The following MON1B variants were observed in gnomAD, a reference collection of about 807,000 sequenced individuals.
MON1B encodes the protein vacuolar fusion protein MON1 homolog B.
A neutral mutation model predicts 45.1 loss-of-function variants in MON1B; 26 were observed. The ratio of observed to expected loss-of-function variants is 0.58; its 90% confidence interval spans 0.42 to 0.80. The LOEUF (loss-of-function observed/expected upper bound fraction) is 0.80. Ranked by LOEUF, MON1B falls within the 30% of genes least tolerant of loss-of-function variation. The probability of loss-of-function intolerance (pLI) is 0.00; values close to 1 mark genes in which losing one functional copy is unlikely to be tolerated. For synonymous variants in MON1B, 395 were observed against 320.2 expected (o/e 1.23, Z -2.49); for missense variants, 737 against 754.5 (o/e 0.98, Z 0.27).
chr16:77,195,248 A>G, intron 4 of MON1B, 94 bp downstream of exon 4: 1 of 1,254,848 alleles, frequency 8.0e-7, no homozygotes, highest in Non-Finnish European at 1.1e-6. Flanking sequence ...AGAGATAACC[A>G]GCCATGCTTA....
chr16:77,195,152 C>G lies in MON1B; in HGVS notation c.1293C>G (p.Thr431=), dbSNP rs779987088. The change falls in exon 4 of 6, where the codon ACC becomes ACG. Residue 431 remains threonine, a splice_region_variant and synonymous_variant. Coordinates refer to ENST00000248248, the MANE Select transcript of MON1B (RefSeq NM_014940.4). ...ACCACCGCCAACTGCCCCAGTTTAC[C>G]AGGTAGGCCCTGACCCTAAGGCAAC... ...PDHHRQLPQF[T]SPELEAPYSR... is the part of the protein sequence containing the mutation. 3 of 1,586,166 alleles carry G rather than the reference C, an allele frequency of 1.9e-6. No individual in the cohort carries two copies. Among genetic ancestry groups the G allele is most frequent in the Non-Finnish European group, 2.6e-6 (3 of 1,172,846 alleles).
In MON1B at chr16:77,200,601, C is replaced by T. The variant is rs1432448911; in HGVS notation, c.*2293C>T. ...CGAAACCTCGTCTCTACTAAAAATA[C>T]AAAAATTGTCCGGGTGTGGTGGCGG... On this transcript the variant is annotated 3_prime_UTR_variant, in exon 6 of 6. Transcript: ENST00000248248. 1 of 151,778 alleles carries T rather than the reference C, an allele frequency of 6.6e-6. No homozygotes were observed. The highest frequency in any genetic ancestry group is 1.5e-5 in the Non-Finnish European group (1 of 67,962). 9.4% of individuals were successfully genotyped at this position (151,778 alleles called of 1,614,324 possible).
Position 77,191,464 on chromosome 16 carries a change from C to T in MON1B, c.-10-12C>T, listed in dbSNP as rs1196761429. 3 of 1,587,208 alleles carry T rather than the reference C, an allele frequency of 1.9e-6. No individual in the cohort carries two copies. The East Asian group carries it at 6.7e-5, about 36-fold the overall frequency. On this transcript the variant is annotated splice_polypyrimidine_tract_variant and intron_variant, in intron 1 of 5. Coordinates refer to ENST00000248248, the MANE Select transcript of MON1B (RefSeq NM_014940.4). ...TTCACCGCCCGTCACCCTCGATTCC[C>T]CTCCCACTCAGGGATGTGCAGATGG...
At position 77,200,291 on chromosome 16, in the gene MON1B, T is replaced by TATATATATATATATACACACACAC; in HGVS notation, c.*1984_*1985insTATATATATATATACACACACACA. The TATATATATATATATACACACACAC allele has an allele frequency of 7.2e-5, 8 of 111,416 alleles. No homozygotes were observed. The highest frequency in any genetic ancestry group is 2.7e-4 in the African/African-American group (8 of 29,756). 6.9% of individuals were successfully genotyped at this position (111,416 alleles called of 1,614,324 possible). Reference sequence around the variant, plus strand: ...ATATATGTGTATATATATATATATATACACACACTAATCAGCCGGGCGCGG... The same window carrying TATATATATATATATACACACACAC: ...ATATATGTGTATATATATATATATATATATATATATATATACACACACACACACACACTAATCAGCCGGGCGCGG... On this transcript the variant is annotated 3_prime_UTR_variant, in exon 6 of 6. Transcript: ENST00000248248.
chr16:77,194,679 G>A lies in MON1B; in HGVS notation c.820G>A (p.Ala274Thr). 1 of 1,613,948 alleles carries A rather than the reference G, an allele frequency of 6.2e-7. No homozygotes were observed. The highest frequency in any genetic ancestry group is 8.5e-7 in the Non-Finnish European group (1 of 1,179,910). Residue 274 changes from alanine (A) to threonine (T), a missense_variant, in exon 4 of 6, where the codon GCG (alanine) becomes ACG (threonine). Ala to Thr is a moderately conservative substitution (Grantham distance 58, BLOSUM62 0). Transcript: ENST00000248248. This position sits in a 1 kb window ranked among gnomAD's most constrained non-coding sequence, Gnocchi z 8.1. Reference sequence around the variant, plus strand: ...CCGACGTTGCACAGCGCCTGGCCTGGCGCTGTCAGTGCTGGCAGTAGGCGG... The same window carrying A: ...CCGACGTTGCACAGCGCCTGGCCTGACGCTGTCAGTGCTGGCAGTAGGCGG... ...LLRRCTAPGL[A>T]LSVLAVGGRL... is the part of the protein sequence containing the mutation.
chr16:77,195,458 C>A, intron 4 of MON1B, 77 bp from the exon 5 acceptor site: 1 of 1,481,124 alleles, frequency 6.8e-7, no homozygotes. Context: ...ATTGAAATCT[C>A]TAGACTGAGG....
chr16:77,191,348 G>C (rs151155458), intron 1 of MON1B, 90 bp downstream of exon 1: 49 of 1,563,104 alleles, frequency 3.1e-5, no homozygotes, highest in Middle Eastern at 1.7e-4. Context: ...CATGATTTTG[G>C]ATGTCTCGTC....
rs11344903 is a variant in MON1B, at chr16:77,200,746, CAAAAAAAAAA to C, written c.*2448_*2457del. 2 of 84,838 alleles carry C rather than the reference CAAAAAAAAAA, an allele frequency of 2.4e-5. No homozygotes were observed. The highest frequency in any genetic ancestry group is 4.6e-5 in the African/African-American group (1 of 21,852). 5.3% of individuals were successfully genotyped at this position (84,838 alleles called of 1,614,324 possible). On this transcript the variant is annotated 3_prime_UTR_variant, in exon 6 of 6. Coordinates refer to ENST00000248248, the MANE Select transcript of MON1B (RefSeq NM_014940.4). ...ACTCCAGCGCGGAAGACAGAGTGAG[CAAAAAAAAAA>C]AAAAAAAAAGAAAAAACAAAAAGAA...
rs111823947 is a variant in MON1B, at chr16:77,199,442, G to T, written c.*1134G>T. 2.0e-3 allele frequency: 3,126 copies of T among 1,551,318 alleles called. 54 individuals are homozygous for T. The African/African-American group carries it at 0.037, about 18-fold the overall frequency. On this transcript the variant is annotated 3_prime_UTR_variant, in exon 6 of 6. Coordinates refer to ENST00000248248, the MANE Select transcript of MON1B (RefSeq NM_014940.4). Reference sequence around the variant, plus strand: ...CAAGCGAGGCTCGCGCGCAGGCCCCGCGTTGGAAAATGGCGGGGAAGCTGA... The same window carrying T: ...CAAGCGAGGCTCGCGCGCAGGCCCCTCGTTGGAAAATGGCGGGGAAGCTGA...
Position 77,201,484 on chromosome 16 carries a change from A to G in MON1B, c.*3176A>G, listed in dbSNP as rs1450419333. 1 of 152,218 alleles carries G rather than the reference A, an allele frequency of 6.6e-6. No individual in the cohort carries two copies. The highest frequency in any genetic ancestry group is 1.5e-5 in the Non-Finnish European group (1 of 68,044). The allele number at this position is 152,218 out of a possible 1,614,324, so 9.4% of individuals were successfully genotyped here. On this transcript the variant is annotated 3_prime_UTR_variant, in exon 6 of 6. Coordinates refer to ENST00000248248, the MANE Select transcript of MON1B (RefSeq NM_014940.4). ...ATCTGGTATTGACGACCTTGTAGAG[A>G]AACAGGCCTTTTCCTGCCTCAGGGA...
chr16:77,192,490 C>T (rs756083531), intron 2 of MON1B, among the ~76,000 whole-genome samples: 4 of 151,994 alleles, frequency 2.6e-5, no homozygotes, highest in Admixed American at 6.6e-5. Flanking sequence ...TCAGTAGGGG[C>T]TGTTGAAGTT....
In MON1B at chr16:77,195,010, G is replaced by C; in HGVS notation, c.1151G>C (p.Gly384Ala). Residue 384 changes from glycine (G) to alanine (A), a missense_variant, in exon 4 of 6, where the codon GGG (glycine) becomes GCG (alanine). Coordinates refer to ENST00000248248, the MANE Select transcript of MON1B (RefSeq NM_014940.4). ...MHALGAMRAL[G>A]EAASFSNASS... ...GCCCTTGGTGCCATGCGTGCCCTTG[G>C]GGAGGCTGCCAGCTTCTCTAATGCC... 6.2e-7 allele frequency: 1 copy of C among 1,613,432 alleles called. No individual in the cohort carries two copies. Among genetic ancestry groups the C allele is most frequent in the Non-Finnish European group, 8.5e-7 (1 of 1,180,010 alleles).
chr16:77,200,925 T>C lies in MON1B; in HGVS notation c.*2617T>C, dbSNP rs1392377235. ...AGTATGCTTTAACTGTTGTCACCTT[T>C]CTGCCCCACTTTTATCTATCTCGAA... On this transcript the variant is annotated 3_prime_UTR_variant, in exon 6 of 6. Transcript: ENST00000248248. 1 of 152,190 alleles carries C rather than the reference T, an allele frequency of 6.6e-6. No individual in the cohort carries two copies. Among genetic ancestry groups the C allele is most frequent in the Non-Finnish European group, 1.5e-5 (1 of 68,076 alleles). 9.4% of individuals were successfully genotyped at this position (152,190 alleles called of 1,614,324 possible).
chr16:77,191,299 C>T (rs1217219743), intron 1 of MON1B, 41 bp downstream of exon 1: 5 of 1,539,152 alleles, frequency 3.2e-6, no homozygotes, highest in Admixed American at 2.0e-5. Flanking sequence ...AGTAGAGTCT[C>T]CTCTTTTCGG....
Position 77,198,326 on chromosome 16 carries a change from C to T in MON1B, c.*18C>T. On this transcript the variant is annotated 3_prime_UTR_variant, in exon 6 of 6. Transcript: ENST00000248248. ...GACTCTGATAGTTGGAGCTCCCAGA[C>T]CAGGCAGTGCTGGGAGCAACCACCT... is the stretch of plus-strand genomic sequence containing the variant. 6.2e-7 allele frequency: 1 copy of T among 1,608,480 alleles called. No individual in the cohort carries two copies. The highest frequency in any genetic ancestry group is 8.5e-7 in the Non-Finnish European group (1 of 1,174,872).
At chr16:77,195,394 T>G in intron 4 of MON1B, 141 bp from the exon 5 acceptor site, 1 of 1,206,994 alleles carries the variant, frequency 8.3e-7, no homozygotes. Context: ...AAGGTCAGCC[T>G]CCAACCCCTG....
At position 77,194,774 on chromosome 16, in the gene MON1B, G is replaced by C; in HGVS notation, c.915G>C (p.Gln305His). 6.2e-7 allele frequency: 1 copy of C among 1,613,912 alleles called. No individual in the cohort carries two copies. The highest frequency in any genetic ancestry group is 8.5e-7 in the Non-Finnish European group (1 of 1,179,988). The change falls in exon 4 of 6, where the codon CAG (glutamine) becomes CAC (histidine). Residue 305 changes from glutamine (Q) to histidine (H), a missense_variant. By Grantham distance (24) the Gln-to-His change is conservative (BLOSUM62 0). Coordinates refer to ENST00000248248, the MANE Select transcript of MON1B (RefSeq NM_014940.4). The surrounding 1 kb of genome is among the most constrained non-coding windows in gnomAD (Gnocchi z 8.1). ...AECRLDPADLQLLLDWVGAPA... is the reference protein window; with the variant it reads ...AECRLDPADLHLLLDWVGAPA... ...GCCGGCTGGACCCAGCTGACCTGCA[G>C]TTGCTGCTCGACTGGGTGGGTGCAC...
chr16:77,191,806 T>A (rs940407724), intron 2 of MON1B, among the ~76,000 whole-genome samples, 173 bp downstream of exon 2: 1 of 152,082 alleles, frequency 6.6e-6, no homozygotes, highest in Non-Finnish European at 1.5e-5. Context: ...TTTACATCAT[T>A]GAGGAAGTCA....
chr16:77,199,195 C>T lies in MON1B; in HGVS notation c.*887C>T. 3 of 484,442 alleles carry T rather than the reference C, an allele frequency of 6.2e-6. No homozygotes were observed. The highest frequency in any genetic ancestry group is 3.4e-5 in the South Asian group (1 of 29,560). The allele number at this position is 484,442 out of a possible 1,614,324, so 30.0% of individuals were successfully genotyped here. ...ACCTCCCTAGGGTTTTGTGTGTGTG[C>T]ACACTACCCTCACTCCCCAACTGGC... On this transcript the variant is annotated 3_prime_UTR_variant, in exon 6 of 6. Coordinates refer to ENST00000248248, the MANE Select transcript of MON1B (RefSeq NM_014940.4).
Sources: allele counts gnomAD v4.1 joint callset (sites outside exome capture counted in the v4.1 genomes callset), GRCh38; gene constraint gnomAD v4.1.1; non-coding constraint Gnocchi (gnomAD v3.1); transcripts MANE v1.5; gene names NCBI Gene and HGNC (gene_info 2026-07-23, HGNC 2026-07-21).